The following PCTP variants were observed in gnomAD, a reference collection of about 807,000 sequenced individuals.
The protein encoded by PCTP is START domain-containing protein 2.
A neutral mutation model predicts 31.0 loss-of-function variants in PCTP; 27 were observed. That is an observed-to-expected ratio of 0.87 (90% CI 0.64 to 1.20). The LOEUF is 1.20. PCTP is among the 50% of genes most tolerant of loss of function. The pLI is 0.00. For synonymous variants in PCTP, 108 were observed against 101.2 expected, an observed-to-expected ratio of 1.07 and a Z score of -0.40; for missense variants, 287 against 268.2, an observed-to-expected ratio of 1.07 and a Z score of -0.49.
chr17:55,836,351 A>G (rs1905776862), intron 5 of PCTP, among the ~76,000 whole-genome samples: 1 of 152,238 alleles, frequency 6.6e-6, no homozygotes, highest in African/African-American at 2.4e-5. Context: ...AAACTAAAAA[A>G]GAGTGGTTTA....
downstream of PCTP, among the ~76,000 whole-genome samples, chr17:55,827,652 T>A (rs1448687491): frequency 6.6e-6 from 1 of 152,202 alleles, no homozygotes; most frequent in Non-Finnish European, 1.5e-5. Flanking sequence ...AATTGGAACA[T>A]TCCCCGTTAG....
At chr17:55,775,966 G>T in intron 5 of PCTP, 69 bp from the exon 6 acceptor site, 2 of 1,587,094 alleles carry the variant, frequency 1.3e-6, no homozygotes. Context: ...TTTACCTTCT[G>T]CCACATCCCA....
intron 2 of PCTP, among the ~76,000 whole-genome samples, chr17:55,768,564 A>G (rs1254914058): frequency 6.6e-6 from 1 of 152,108 alleles, no homozygotes; most frequent in East Asian, 1.9e-4. Context: ...AAGAGAACCT[A>G]TCCTAGGTCT....
intron 3 of PCTP, among the ~76,000 whole-genome samples, chr17:55,817,855 A>T (rs1265876153): frequency 6.6e-6 from 1 of 152,196 alleles, no homozygotes; most frequent in Admixed American, 6.5e-5. Flanking sequence ...TCAATTAGTT[A>T]TTCAAGAAAC....
intron 5 of PCTP, among the ~76,000 whole-genome samples, chr17:55,835,897 A>C (rs1451774168): frequency 6.6e-6 from 1 of 152,258 alleles, no homozygotes. Flanking sequence ...ATTGATTCCA[A>C]CTGGGTCATG....
intron 1 of PCTP, among the ~76,000 whole-genome samples, chr17:55,753,811 G>A (rs1420263114): frequency 1.3e-5 from 2 of 152,128 alleles, no homozygotes; most frequent in African/African-American, 2.4e-5. Context: ...CAAAGCACAC[G>A]GCTAAGAAGT....
intron 1 of PCTP, among the ~76,000 whole-genome samples, chr17:55,766,748 A>G (rs903262861): frequency 2.0e-5 from 3 of 152,156 alleles, no homozygotes; most frequent in African/African-American, 7.2e-5. Context: ...TTATAGCAGC[A>G]TGATTTATAG....
intron 1 of PCTP, 188 bp downstream of exon 1, chr17:55,751,432 C>G (rs56851766): frequency 3.3e-6 from 5 of 1,533,934 alleles, no homozygotes; most frequent in South Asian, 1.2e-5. Flanking sequence ...AAGTGACTGC[C>G]GTGCAGATCC....
downstream of PCTP, among the ~76,000 whole-genome samples, chr17:55,781,428 T>C (rs1911561280): frequency 6.6e-6 from 1 of 152,234 alleles, no homozygotes; most frequent in African/African-American, 2.4e-5. Context: ...TGGTGCTGAA[T>C]AAATGAAATC....
intron 1 of PCTP, among the ~76,000 whole-genome samples, chr17:55,766,988 T>G (rs1255726068): frequency 6.6e-6 from 1 of 152,220 alleles, no homozygotes; most frequent in East Asian, 1.9e-4. Flanking sequence ...ATTGTGGTTT[T>G]GATTTGCATT....
chr17:55,751,163 C>T lies in PCTP; in HGVS notation c.60C>T (p.Leu20=). The part of the protein sequence containing the change: ...EEQFWEACAE[L]QQPALAGADW... ...AGTTCTGGGAGGCCTGCGCCGAGCT[C>T]CAGCAGCCCGCTCTGGCCGGGGCCG... The change falls in exon 1 of 6, where the codon CTC becomes CTT. Residue 20 remains leucine (L), a synonymous_variant. Coordinates refer to ENST00000268896, the MANE Select transcript of PCTP (RefSeq NM_021213.4). 1 of 1,548,518 alleles carries T rather than the reference C, an allele frequency of 6.5e-7. No homozygotes were observed. The highest frequency in any genetic ancestry group is 8.7e-7 in the Non-Finnish European group (1 of 1,146,154).
intron 1 of PCTP, among the ~76,000 whole-genome samples, chr17:55,755,477 G>A (rs1467404804): frequency 6.6e-6 from 1 of 152,204 alleles, no homozygotes; most frequent in African/African-American, 2.4e-5. Context: ...AGATTTCAAT[G>A]TAGCAAATTG....
intron 3 of PCTP, among the ~76,000 whole-genome samples, chr17:55,795,450 C>T (rs1438512737): frequency 6.6e-6 from 1 of 151,966 alleles, no homozygotes; most frequent in Non-Finnish European, 1.5e-5. Flanking sequence ...GCCCAGAGAA[C>T]CATCGTCTGC....
chr17:55,814,793 C>T (rs984131061), intron 3 of PCTP, among the ~76,000 whole-genome samples: 2 of 152,180 alleles, frequency 1.3e-5, no homozygotes, highest in African/African-American at 4.8e-5. Context: ...TACTTTGACC[C>T]ATAAGCTTCA....
At chr17:55,787,126 G>A (rs952509842) in intron 2 of PCTP, among the ~76,000 whole-genome samples, 1 of 151,336 alleles carries the variant, frequency 6.6e-6, no homozygotes, top group Non-Finnish European at 1.5e-5. Context: ...TCCGAACATC[G>A]ATCGTCTTCA....
downstream of PCTP, among the ~76,000 whole-genome samples, chr17:55,845,887 GGTGTGTGTGTGTGT>G (rs34179575): frequency 2.8e-5 from 4 of 143,064 alleles, no homozygotes; most frequent in Admixed American, 6.9e-5. Flanking sequence ...AGAGGGTTGG[GGTGTGTGTGTGTGT>G]GTGTGTGTGT....
intron 3 of PCTP, among the ~76,000 whole-genome samples, chr17:55,772,316 G>A (rs1911051685): frequency 6.6e-6 from 1 of 152,140 alleles, no homozygotes; most frequent in African/African-American, 2.4e-5. Flanking sequence ...ACTGAACGCG[G>A]GTGGCTCACG....
At chr17:55,780,386 G>A (rs1911519396), downstream of PCTP, among the ~76,000 whole-genome samples, 2 of 152,304 alleles carry the variant, frequency 1.3e-5, no homozygotes, top group East Asian at 3.9e-4. Context: ...AGTACATAAA[G>A]GTGGGATGCA....
At chr17:55,801,400 A>G (rs868229168) in intron 3 of PCTP, among the ~76,000 whole-genome samples, 50 of 152,174 alleles carry the variant, frequency 3.3e-4, no homozygotes, top group African/African-American at 1.1e-3. Flanking sequence ...CTCCAAATCA[A>G]CAGAATATAC....
Sources: gnomAD v4.1 joint callset for allele counts (sites outside exome capture counted in the v4.1 genomes callset) on GRCh38, gnomAD v4.1.1 for gene constraint, MANE v1.5 for transcripts, NCBI Gene and HGNC (gene_info 2026-07-23, HGNC 2026-07-21) for gene names.